Variants in NWD2 observed in about 807,000 individuals in gnomAD.
The protein encoded by NWD2 is NACHT and WD repeat domain-containing protein 2.
Under a neutral mutation model 132.7 loss-of-function variants are expected in NWD2, and 37 were observed. That is an observed-to-expected ratio of 0.28 (90% CI 0.21 to 0.37). NWD2 has a LOEUF of 0.37. NWD2 is among the 10% of genes least tolerant of loss of function. The pLI, the probability that NWD2 is intolerant of heterozygous loss-of-function variation, is 1.00. For synonymous variants in NWD2, 705 were observed against 803.0 expected, an observed-to-expected ratio of 0.88 and a Z score of 2.06; for missense variants, 1,592 against 2,122.4, an observed-to-expected ratio of 0.75 and a Z score of 4.91.
chr4:37,315,840 A>T (rs760839009), intron 1 of NWD2, among the ~76,000 whole-genome samples: 4 of 151,892 alleles, frequency 2.6e-5, no homozygotes, highest in Non-Finnish European at 5.9e-5. Flanking sequence ...TTTTCAGGTT[A>T]TATTCTTACT....
intron 1 of NWD2, among the ~76,000 whole-genome samples, chr4:37,312,087 GC>G (rs1469286648): frequency 4.0e-5 from 6 of 151,638 alleles, no homozygotes; most frequent in Non-Finnish European, 8.8e-5. Flanking sequence ...TGTTCTTTTG[GC>G]TTAGGATTGA....
intron 2 of NWD2, among the ~76,000 whole-genome samples, chr4:37,336,968 A>AC (rs1338444719): frequency 6.6e-6 from 1 of 151,438 alleles, no homozygotes; most frequent in Non-Finnish European, 1.5e-5. Context: ...AAAAAAAAAA[A>AC]AAACAAGAAA....
chr4:37,281,608 C>T (rs1718132030), intron 1 of NWD2, among the ~76,000 whole-genome samples: 3 of 152,132 alleles, frequency 2.0e-5, no homozygotes, highest in East Asian at 1.9e-4. Context: ...CTGTGAGATT[C>T]GTCCTGTTAG....
intron 4 of NWD2, among the ~76,000 whole-genome samples, chr4:37,432,773 C>T (rs1359725908): frequency 6.6e-6 from 1 of 152,160 alleles, no homozygotes; most frequent in African/African-American, 2.4e-5. Flanking sequence ...CATGCTTGAG[C>T]ATCATGGAAA....
chr4:37,446,851 C>T lies in NWD2; in HGVS notation c.4863C>T (p.Phe1621=). The T allele has an allele frequency of 6.4e-7, 1 of 1,551,814 alleles. No homozygotes were observed. The highest frequency in any genetic ancestry group is 8.7e-7 in the Non-Finnish European group (1 of 1,147,026). ...GTTCCCTTTACAAAACACCAACTTT[C>T]CTTGCACTCTCCCAGAGGCACCTGA... ...GACSLYKTPT[F]LALSQRHLNI... is the part of the protein sequence containing the mutation. The change falls in exon 7 of 7, where the codon TTC becomes TTT. Residue 1621 remains phenylalanine, a synonymous_variant. Coordinates refer to ENST00000309447, the MANE Select transcript of NWD2 (RefSeq NM_001144990.2). This position sits in a 1 kb window ranked among gnomAD's most constrained non-coding sequence, Gnocchi z 6.7.
At chr4:37,390,543 C>T (rs1720662708) in intron 3 of NWD2, among the ~76,000 whole-genome samples, 2 of 152,042 alleles carry the variant, frequency 1.3e-5, no homozygotes, top group African/African-American at 2.4e-5. Context: ...CTTTGTCCCA[C>T]CTCCAGAGGT....
At chr4:37,252,962 A>G (rs1618748) in intron 1 of NWD2, among the ~76,000 whole-genome samples, 95,527 of 151,814 alleles carry the variant, frequency 0.63, 31,130 homozygotes, top group East Asian at 0.91. Context: ...ATACAGGGAA[A>G]GGAGGAATTA....
chr4:37,418,641 A>AT (rs1491058377), intron 3 of NWD2, among the ~76,000 whole-genome samples: 54 of 139,380 alleles, frequency 3.9e-4, no homozygotes, highest in South Asian at 9.0e-4. Context: ...CAAAAAAAAA[A>AT]ATATATATAT....
In NWD2 at chr4:37,263,735, A is replaced by G. The variant is rs190442827; in HGVS notation, c.151+18517A>G. On this transcript the variant is annotated intron_variant, in intron 1 of 6. Coordinates refer to ENST00000309447, the MANE Select transcript of NWD2 (RefSeq NM_001144990.2). ...AGAGAAGAGGGAGGGGAGGAGAAGAATATTCAGTCCTTATAAATTTTAACA... is the reference window on the plus strand; with the variant it reads ...AGAGAAGAGGGAGGGGAGGAGAAGAGTATTCAGTCCTTATAAATTTTAACA... 5.9e-3 allele frequency among the ~76,000 whole-genome samples: 898 copies of G among 152,292 alleles called. 11 individuals are homozygous for G. Among genetic ancestry groups the G allele is most frequent in the African/African-American group, 0.02 (847 of 41,572 alleles).
chr4:37,435,243 T>C (rs1024588962), intron 5 of NWD2, among the ~76,000 whole-genome samples: 1 of 152,204 alleles, frequency 6.6e-6, no homozygotes, highest in Non-Finnish European at 1.5e-5. Context: ...AAAACTATAA[T>C]AGCTGCGTTT....
intron 3 of NWD2, among the ~76,000 whole-genome samples, chr4:37,405,921 G>A (rs1720994322): frequency 6.6e-6 from 1 of 152,116 alleles, no homozygotes; most frequent in Non-Finnish European, 1.5e-5. Flanking sequence ...AGCCACCCAG[G>A]TAGACAGCAA....
chr4:37,305,184 C>T (rs142812827), intron 1 of NWD2, among the ~76,000 whole-genome samples: 47 of 152,312 alleles, frequency 3.1e-4, no homozygotes, highest in African/African-American at 1.1e-3. Context: ...GTGGTTGGGA[C>T]ACATGGCGCC....
Position 37,446,042 on chromosome 4 carries a change from G to A in NWD2, c.4054G>A (p.Ala1352Thr), listed in dbSNP as rs1230781629. The A allele has an allele frequency of 1.9e-6, 3 of 1,551,776 alleles. No homozygotes were observed. The highest frequency in any genetic ancestry group is 2.6e-6 in the Non-Finnish European group (3 of 1,147,004). Residue 1352 changes from alanine (A) to threonine (T), a missense_variant, in exon 7 of 7, where the codon GCA (alanine) becomes ACA (threonine). Physicochemically the swap from Ala to Thr is moderately conservative, Grantham distance 58. Coordinates refer to ENST00000309447, the MANE Select transcript of NWD2 (RefSeq NM_001144990.2). The surrounding 1 kb of genome is among the most constrained non-coding windows in gnomAD (Gnocchi z 6.7). The part of the protein sequence containing the change: ...KWNFSSGFIE[A>T]VFKHEGIVEH... ...GAACTTCAGCAGTGGCTTCATCGAA[G>A]CAGTATTCAAGCATGAAGGAATAGT...
chr4:37,357,646 A>C (rs989746296), intron 3 of NWD2, among the ~76,000 whole-genome samples: 3 of 152,280 alleles, frequency 2.0e-5, no homozygotes, highest in African/African-American at 4.8e-5. Flanking sequence ...AACTAAGAAG[A>C]TAAAATTTTT....
intron 1 of NWD2, among the ~76,000 whole-genome samples, chr4:37,294,589 A>G (rs1718439076): frequency 1.3e-5 from 2 of 152,210 alleles, no homozygotes; most frequent in African/African-American, 2.4e-5. Context: ...CGCCTTCTCT[A>G]TGTTGTAGAT....
intron 3 of NWD2, among the ~76,000 whole-genome samples, chr4:37,405,794 A>T (rs1436876447): frequency 6.6e-6 from 1 of 152,192 alleles, no homozygotes; most frequent in Non-Finnish European, 1.5e-5. Context: ...GAACATTTTA[A>T]CATCTTTGCC....
chr4:37,354,017 G>C (rs558983863), intron 2 of NWD2, among the ~76,000 whole-genome samples: 30 of 152,160 alleles, frequency 2.0e-4, no homozygotes, highest in African/African-American at 7.2e-4. Context: ...GGTGACCTTA[G>C]GGTGGGGTGT....
At chr4:37,291,439 T>C (rs2109272336) in intron 1 of NWD2, among the ~76,000 whole-genome samples, 1 of 152,330 alleles carries the variant, frequency 6.6e-6, no homozygotes, top group Non-Finnish European at 1.5e-5. Context: ...TCTAGTAGGT[T>C]CCATACAGAT....
At chr4:37,382,868 T>C (rs571126562) in intron 3 of NWD2, among the ~76,000 whole-genome samples, 127 of 151,942 alleles carry the variant, frequency 8.4e-4, no homozygotes, top group African/African-American at 3.0e-3. Context: ...TTTTTGGATT[T>C]TTTTTAGTGG....
Sources: gnomAD v4.1 joint callset for allele counts (sites outside exome capture counted in the v4.1 genomes callset) on GRCh38, gnomAD v4.1.1 for gene constraint, Gnocchi (gnomAD v3.1) non-coding constraint, MANE v1.5 for transcripts, NCBI Gene and HGNC (gene_info 2026-07-23, HGNC 2026-07-21) for gene names.